OCM: variants seen among roughly 807,000 people sequenced by gnomAD.
The protein encoded by OCM is oncomodulin-1.
In OCM, 18 loss-of-function variants were observed where a neutral mutation model predicts 14.1. That is an observed-to-expected ratio of 1.28 (90% confidence interval 0.88 to 1.89). The LOEUF (loss-of-function observed/expected upper bound fraction) is 1.89, where lower values mean the gene tolerates loss of function less well. Among genes scored for constraint, OCM ranks in the 40% most tolerant of loss-of-function variants. The probability of loss-of-function intolerance (pLI) is 0.00; values close to 1 mark genes in which losing one functional copy is unlikely to be tolerated. For missense variants in OCM, 140 were observed against 137.6 expected (o/e 1.02, Z -0.09); for synonymous variants, 48 against 51.0 (o/e 0.94, Z 0.25).
At chr7:5,874,777 A>G in the OCM span, among the ~76,000 whole-genome samples, 2 of 152,026 alleles carry the variant, frequency 1.3e-5, no homozygotes, top group African/African-American at 4.8e-5. Flanking sequence ...AAGCGCTGGG[A>G]TTGCAGACGT....
At chr7:5,862,489 C>T in the OCM span, among the ~76,000 whole-genome samples, 65 of 152,146 alleles carry the variant, frequency 4.3e-4, no homozygotes, top group Non-Finnish European at 7.3e-4. Flanking sequence ...CTGACAATGT[C>T]GATTACCAGC....
chr7:5,874,730 T>C, the OCM span, among the ~76,000 whole-genome samples: 25 of 151,930 alleles, frequency 1.6e-4, no homozygotes, highest in African/African-American at 5.3e-4. Flanking sequence ...GGTCTCAAAC[T>C]CCTGGCTTCA....
chr7:5,882,519 T>G lies in OCM; in HGVS notation c.88T>G (p.Phe30Val), dbSNP rs1484539110. Residue 30 changes from phenylalanine (F) to valine (V), a missense_variant, in exon 2 of 4, where the codon TTC (phenylalanine) becomes GTC (valine). Coordinates refer to ENST00000242104, the MANE Select transcript of OCM (RefSeq NM_001097622.2). ...RDPDTFEPQK[F>V]FQTSGLSKMS... ...CCCAGACACTTTTGAACCCCAAAAA[T>G]TCTTCCAGACATCAGGCCTCTCCAA... 6.2e-7 allele frequency: 1 copy of G among 1,614,148 alleles called. No individual in the cohort carries two copies. Among genetic ancestry groups the G allele is most frequent in the South Asian group, 1.1e-5 (1 of 91,078 alleles).
Position 5,882,204 on chromosome 7 carries a change from C to T in OCM, c.62-289C>T, listed in dbSNP as rs377087581. Reference sequence around the variant, plus strand: ...ACCAGGGATGCTGGGGGCTCAGCCACACAGCCTGTAAAGTGGGCCAGGGGG... The same window carrying T: ...ACCAGGGATGCTGGGGGCTCAGCCATACAGCCTGTAAAGTGGGCCAGGGGG... On this transcript the variant is annotated intron_variant, in intron 1 of 3. Coordinates refer to ENST00000242104, the MANE Select transcript of OCM (RefSeq NM_001097622.2). Among the ~76,000 whole-genome samples, 3 of 150,832 alleles carry T rather than the reference C, an allele frequency of 2.0e-5. No homozygotes were observed. The East Asian group carries it at 5.9e-4, about 30-fold the overall frequency.
At chr7:5,874,437 T>TTG in the OCM span, among the ~76,000 whole-genome samples, 1 of 152,066 alleles carries the variant, frequency 6.6e-6, no homozygotes, top group African/African-American at 2.4e-5. Context: ...ATATGCAACA[T>TTG]ATGTCAGATG....
the OCM span, among the ~76,000 whole-genome samples, chr7:5,874,597 T>G: frequency 6.6e-6 from 1 of 151,992 alleles, no homozygotes; most frequent in Non-Finnish European, 1.5e-5. Flanking sequence ...CTCAAACTCC[T>G]GGGCTTAAGT....
chr7:5,863,171 C>A, the OCM span, among the ~76,000 whole-genome samples: 6 of 152,066 alleles, frequency 3.9e-5, no homozygotes, highest in Non-Finnish European at 8.8e-5. Context: ...GAGAATGGGA[C>A]CATTTGCCTC....
chr7:5,873,319 G>A, the OCM span, among the ~76,000 whole-genome samples: 52 of 152,242 alleles, frequency 3.4e-4, 1 homozygote, highest in East Asian at 9.1e-3. Context: ...AGAGGTCGCA[G>A]TGAGCCTAGA....
intron 3 of OCM, 145 bp downstream of exon 3, chr7:5,884,144 A>G (rs1781285995): frequency 8.7e-7 from 1 of 1,152,288 alleles, no homozygotes; most frequent in Admixed American, 2.8e-5. Flanking sequence ...GTAAAATGGG[A>G]CTAAAGTAAG....
chr7:5,877,651 C>G (rs1405878041), upstream of OCM, among the ~76,000 whole-genome samples: 1 of 151,216 alleles, frequency 6.6e-6, no homozygotes, highest in African/African-American at 2.4e-5. Context: ...AAACCCTCAT[C>G]TCTACTAAAA....
At chr7:5,860,352 G>GTATATATATATGCATA in the OCM span, among the ~76,000 whole-genome samples, 39 of 145,746 alleles carry the variant, frequency 2.7e-4, no homozygotes, top group African/African-American at 9.1e-4. Flanking sequence ...GTGTGTGTGT[G>GTATATATATATGCATA]TATATATATA....
upstream of OCM, among the ~76,000 whole-genome samples, chr7:5,879,284 G>A (rs1781160299): frequency 6.6e-6 from 1 of 152,130 alleles, no homozygotes; most frequent in Non-Finnish European, 1.5e-5. Context: ...TGGGGGTTGG[G>A]GATGCTGGTT....
intron 2 of OCM, among the ~76,000 whole-genome samples, chr7:5,883,617 G>A (rs1431451696): frequency 6.7e-6 from 1 of 149,060 alleles, no homozygotes; most frequent in Admixed American, 6.9e-5. Context: ...AGCCCAGGAA[G>A]TCGAGGCTGC....
the OCM span, among the ~76,000 whole-genome samples, chr7:5,865,900 A>G: frequency 2.0e-5 from 3 of 152,314 alleles, no homozygotes; most frequent in Admixed American, 6.5e-5. Context: ...ATGTAGGTCA[A>G]ATATGCCGCA....
At chr7:5,862,118 G>C in the OCM span, among the ~76,000 whole-genome samples, 8 of 152,094 alleles carry the variant, frequency 5.3e-5, no homozygotes, top group African/African-American at 1.9e-4. Flanking sequence ...ATCTTTTCAT[G>C]TGCTCGTTTG....
chr7:5,860,273 C>CTA, the OCM span, among the ~76,000 whole-genome samples: 1 of 151,364 alleles, frequency 6.6e-6, no homozygotes, highest in Non-Finnish European at 1.5e-5. Flanking sequence ...AATCAGCGTC[C>CTA]TATACCATTT....
At chr7:5,862,784 C>T in the OCM span, among the ~76,000 whole-genome samples, 1 of 151,990 alleles carries the variant, frequency 6.6e-6, no homozygotes, top group African/African-American at 2.4e-5. Flanking sequence ...TGTAGATCTA[C>T]TGAGCTCAAG....
the OCM span, among the ~76,000 whole-genome samples, chr7:5,873,653 G>T: frequency 9.9e-5 from 15 of 152,164 alleles, no homozygotes; most frequent in South Asian, 4.1e-4. Flanking sequence ...CCATCCTTGG[G>T]TTTTTTCAAA....
At chr7:5,866,945 C>T in the OCM span, among the ~76,000 whole-genome samples, 222 of 152,278 alleles carry the variant, frequency 1.5e-3, no homozygotes, top group South Asian at 6.4e-3. Flanking sequence ...ATACATTTAA[C>T]GTAGTGCCTG....
Sources: gnomAD v4.1 joint callset for allele counts (sites outside exome capture counted in the v4.1 genomes callset) on GRCh38, gnomAD v4.1.1 for gene constraint, MANE v1.5 for transcripts, NCBI Gene and HGNC (gene_info 2026-07-23, HGNC 2026-07-21) for gene names.